The following GSTM2 variants were observed in gnomAD, a reference collection of about 807,000 sequenced individuals.
GSTM2 encodes glutathione S-transferase mu 2.
Under a neutral mutation model 33.3 loss-of-function variants are expected in GSTM2, and 33 were observed. The ratio of observed to expected loss-of-function variants is 0.99; its 90% CI spans 0.75 to 1.33. The LOEUF (loss-of-function observed/expected upper bound fraction) is 1.33. Among genes scored for constraint, GSTM2 ranks in the 40% most tolerant of loss-of-function variants. The probability of loss-of-function intolerance (pLI) is 0.00; values close to 1 mark genes in which losing one functional copy is unlikely to be tolerated. For synonymous variants in GSTM2, 93 were observed against 95.6 expected, an observed-to-expected ratio of 0.97 and a Z score of 0.16; for missense variants, 213 against 265.8, an observed-to-expected ratio of 0.80 and a Z score of 1.38.
In GSTM2 at chr1:109,668,129, T is replaced by TG. The variant is rs758116270; in HGVS notation, c.18dup (p.Tyr7ValfsTer34). The TG allele has an allele frequency of 1.9e-6, 3 of 1,600,524 alleles. No individual in the cohort carries two copies. Among genetic ancestry groups the TG allele is most frequent in the Admixed American group, 1.7e-5 (1 of 59,174 alleles). On this transcript the variant is annotated frameshift_variant, in exon 1 of 8. Coordinates refer to ENST00000241337, the MANE Select transcript of GSTM2 (RefSeq NM_000848.4). LOFTEE classifies it high-confidence loss of function. The stretch of plus-strand genomic sequence containing the variant: ...GCAACCAGCACCATGCCCATGACAC[T>TG]GGGGTACTGGAACATCCGCGGGGTG...
chr1:109,671,588 T>C lies in GSTM2; in HGVS notation c.567+5T>C. ...GACTTCATCTCCCGATTTGAGGTGA[T>C]GCCCCCAGCCTCCTTTCTCTTTATG... On this transcript the variant is annotated splice_donor_5th_base_variant and intron_variant, in intron 7 of 7. Transcript: ENST00000241337. 1 of 1,464,866 alleles carries C rather than the reference T, an allele frequency of 6.8e-7. No homozygotes were observed. The highest frequency in any genetic ancestry group is 9.6e-7 in the Non-Finnish European group (1 of 1,043,696). 90.7% of individuals were successfully genotyped at this position (1,464,866 alleles called of 1,614,324 possible).
chr1:109,669,711 A>G (rs1647463064), intron 5 of GSTM2, 140 bp downstream of exon 5: 3 of 627,876 alleles, frequency 4.8e-6, no homozygotes, highest in Non-Finnish European at 8.7e-6. Flanking sequence ...GCGGTCCTAC[A>G]CGGTGAGTGT....
downstream of GSTM2, among the ~76,000 whole-genome samples, chr1:109,679,318 A>C (rs1647798650): frequency 6.6e-6 from 1 of 152,082 alleles, no homozygotes. Flanking sequence ...TAAAAATACA[A>C]AAATTAGCCG....
chr1:109,673,928 G>A (rs1462392042), intron 7 of GSTM2, among the ~76,000 whole-genome samples: 9 of 152,204 alleles, frequency 5.9e-5, no homozygotes, highest in Non-Finnish European at 8.8e-5. Flanking sequence ...ATCCTGGTAA[G>A]ATTGTGCACA....
intron 5 of GSTM2, chr1:109,670,614 A>T (rs899145362): frequency 2.0e-5 from 3 of 152,370 alleles, no homozygotes; most frequent in Non-Finnish European, 4.4e-5. Flanking sequence ...TCTCTGACCC[A>T]TGACCTGTGC....
At chr1:109,676,972 A>G (rs1647720354), downstream of GSTM2, among the ~76,000 whole-genome samples, 1 of 152,190 alleles carries the variant, frequency 6.6e-6, no homozygotes, top group African/African-American at 2.4e-5. Flanking sequence ...CAAATCAACA[A>G]AGGTCTCTTC....
Position 109,671,532 on chromosome 1 carries a change from C to A in GSTM2, c.516C>A (p.Pro172=), listed in dbSNP as rs1647542794. The part of the protein sequence containing the change: ...DVLERNQVFE[P]SCLDAFPNLK... ...TTGAGAGAAACCAAGTATTTGAGCC[C>A]AGCTGCCTGGATGCCTTCCCAAACC... The change falls in exon 7 of 8, where the codon CCC becomes CCA. Residue 172 remains proline (P), a synonymous_variant. Coordinates refer to ENST00000241337, the MANE Select transcript of GSTM2 (RefSeq NM_000848.4). The A allele has an allele frequency of 6.2e-7, 1 of 1,613,616 alleles. No homozygotes were observed. The highest frequency in any genetic ancestry group is 8.5e-7 in the Non-Finnish European group (1 of 1,179,520).
intron 7 of GSTM2, among the ~76,000 whole-genome samples, chr1:109,671,960 G>T (rs1340981240): frequency 1.7e-5 from 2 of 118,398 alleles, no homozygotes; most frequent in Non-Finnish European, 3.3e-5. Context: ...GACAGAGTGT[G>T]ACTCCATCTC....
intron 7 of GSTM2, 111 bp from the exon 8 acceptor site, chr1:109,674,636 C>G: frequency 7.4e-7 from 1 of 1,355,834 alleles, no homozygotes; most frequent in East Asian, 2.3e-5. Flanking sequence ...CACTTGAGCC[C>G]ACATGGAAAG....
intron 7 of GSTM2, among the ~76,000 whole-genome samples, chr1:109,672,507 C>T (rs963365054): frequency 3.3e-5 from 5 of 152,156 alleles, no homozygotes; most frequent in African/African-American, 7.2e-5. Context: ...GGGCTCCCTG[C>T]GAGCCTCTGG....
At chr1:109,668,685 G>A (rs1647419838) in intron 2 of GSTM2, 185 bp downstream of exon 2, 3 of 825,862 alleles carry the variant, frequency 3.6e-6, no homozygotes, top group South Asian at 3.2e-5. Flanking sequence ...CTGGGCCCCC[G>A]TCTGGGTAAT....
downstream of GSTM2, among the ~76,000 whole-genome samples, chr1:109,676,968 A>G (rs112693722): frequency 8.5e-5 from 13 of 152,316 alleles, 1 homozygote; most frequent in African/African-American, 3.1e-4. Flanking sequence ...GTTACAAATC[A>G]ACAAAGGTCT....
chr1:109,675,864 G>T (rs599363), downstream of GSTM2, among the ~76,000 whole-genome samples: 123,665 of 144,570 alleles, frequency 0.86, 52,587 homozygotes, highest in East Asian at 0.96. Flanking sequence ...CTCTGGCTGA[G>T]GATTTAGTCT....
At chr1:109,669,165 A>T in intron 3 of GSTM2, 125 bp from the exon 4 acceptor site, 2 of 1,286,362 alleles carry the variant, frequency 1.6e-6, no homozygotes, top group Non-Finnish European at 2.3e-6. Context: ...TATTAGTGTG[A>T]CAGTATTTCT....
downstream of GSTM2, among the ~76,000 whole-genome samples, chr1:109,678,143 A>T (rs1647750770): frequency 6.6e-6 from 1 of 152,028 alleles, no homozygotes; most frequent in Non-Finnish European, 1.5e-5. Flanking sequence ...TTTCTCTTTA[A>T]CATTTTACTT....
At chr1:109,679,400 G>A (rs150543396), downstream of GSTM2, among the ~76,000 whole-genome samples, 6,597 of 152,288 alleles carry the variant, frequency 0.043, 250 homozygotes, top group African/African-American at 0.091. Flanking sequence ...CAACCTGGGA[G>A]GCAGAGGTTG....
At chr1:109,682,407 ATT>A in intron 7 of GSTM2, among the ~76,000 whole-genome samples, 1 of 62,632 alleles carries the variant, frequency 1.6e-5, no homozygotes, top group East Asian at 3.0e-4. Flanking sequence ...CGCCCAGCTA[ATT>A]TTTTGTATTG....
At chr1:109,670,550 C>T (rs1647500343) in intron 5 of GSTM2, 1 of 152,198 alleles carries the variant, frequency 6.6e-6, no homozygotes, top group Admixed American at 6.5e-5. Flanking sequence ...CCTGACTCCC[C>T]AGGGTATGAA....
downstream of GSTM2, among the ~76,000 whole-genome samples, chr1:109,676,430 C>A (rs1000866694): frequency 2.0e-5 from 3 of 152,140 alleles, no homozygotes; most frequent in Admixed American, 6.5e-5. Context: ...CGTCTCACTG[C>A]AACCTCCCCT....
Sources: gnomAD v4.1 joint callset for allele counts (sites outside exome capture counted in the v4.1 genomes callset) on GRCh38, gnomAD v4.1.1 for gene constraint, MANE v1.5 for transcripts, NCBI Gene and HGNC (gene_info 2026-07-23, HGNC 2026-07-21) for gene names.